Variants in CADPS2 observed in about 807,000 individuals in gnomAD.
CADPS2 encodes the protein calcium-dependent secretion activator 2.
CADPS2 carries 93 observed loss-of-function variants against 172.5 expected under a neutral mutation model. The observed-to-expected ratio is 0.54, with a 90% CI of 0.46 to 0.64. The LOEUF (loss-of-function observed/expected upper bound fraction) is 0.64. CADPS2 is among the 30% of genes least tolerant of loss of function. CADPS2 has a pLI of 0.00. For synonymous variants in CADPS2, 546 were observed against 555.2 expected (o/e 0.98, Z 0.23); for missense variants, 1,420 against 1,565.9 (o/e 0.91, Z 1.57).
intron 2 of CADPS2, among the ~76,000 whole-genome samples, chr7:122,687,416 G>C (rs2083775239): frequency 6.6e-6 from 1 of 152,126 alleles, no homozygotes; most frequent in African/African-American, 2.4e-5. Flanking sequence ...AGTGTTTCAA[G>C]CTAACTGCAG....
chr7:122,439,451 A>G (rs564770114), intron 16 of CADPS2: 1 of 152,294 alleles, frequency 6.6e-6, no homozygotes, highest in East Asian at 1.9e-4. Context: ...ATTGAAAGGA[A>G]TATTGAAAGA....
At chr7:122,791,384 T>C (rs1403108972) in intron 1 of CADPS2, among the ~76,000 whole-genome samples, 1 of 152,124 alleles carries the variant, frequency 6.6e-6, no homozygotes, top group Non-Finnish European at 1.5e-5. Flanking sequence ...TTTCAAATAT[T>C]CTAATCTTCC....
intron 1 of CADPS2, among the ~76,000 whole-genome samples, chr7:122,876,511 G>A (rs758549465): frequency 2.0e-4 from 31 of 152,014 alleles, no homozygotes; most frequent in Non-Finnish European, 4.1e-4. Flanking sequence ...ACAGGCATGA[G>A]TCGCCATGCT....
intron 28 of CADPS2, among the ~76,000 whole-genome samples, chr7:122,327,742 A>G (rs915917334): frequency 1.3e-5 from 2 of 152,034 alleles, no homozygotes; most frequent in Non-Finnish European, 2.9e-5. Flanking sequence ...TACAATGCCA[A>G]AATAATAATT....
intron 7 of CADPS2, among the ~76,000 whole-genome samples, chr7:122,564,292 G>C (rs2066124057): frequency 6.6e-6 from 1 of 151,990 alleles, no homozygotes; most frequent in South Asian, 2.1e-4. Context: ...AAACAGTATG[G>C]AAATTTCTTA....
intron 2 of CADPS2, among the ~76,000 whole-genome samples, chr7:122,736,614 C>A (rs546739940): frequency 6.6e-6 from 1 of 152,210 alleles, no homozygotes; most frequent in South Asian, 2.1e-4. Context: ...CATAAGATAG[C>A]AATTTACTAT....
At chr7:122,524,475 G>A (rs775032177) in intron 8 of CADPS2, among the ~76,000 whole-genome samples, 1 of 152,096 alleles carries the variant, frequency 6.6e-6, no homozygotes, top group African/African-American at 2.4e-5. Flanking sequence ...TGTGTGTCTT[G>A]GAACATCTGG....
At chr7:122,499,351 A>G (rs928687842) in intron 9 of CADPS2, among the ~76,000 whole-genome samples, 2 of 152,202 alleles carry the variant, frequency 1.3e-5, no homozygotes, top group African/African-American at 4.8e-5. Context: ...ATCAACATCC[A>G]CTAATTTCAA....
chr7:122,855,693 G>A (rs772715956), intron 1 of CADPS2, among the ~76,000 whole-genome samples: 22 of 152,120 alleles, frequency 1.4e-4, no homozygotes, highest in East Asian at 3.9e-4. Context: ...TTAGACATAC[G>A]ACTGAATATG....
chr7:122,619,333 TTTAAA>T (rs2075315262), intron 5 of CADPS2, among the ~76,000 whole-genome samples: 1 of 151,952 alleles, frequency 6.6e-6, no homozygotes, highest in Non-Finnish European at 1.5e-5. Flanking sequence ...CATCAATAAA[TTTAAA>T]TTATAGACTA....
chr7:122,833,072 G>C (rs1807094232), intron 1 of CADPS2, among the ~76,000 whole-genome samples: 1 of 152,276 alleles, frequency 6.6e-6, no homozygotes, highest in Middle Eastern at 3.4e-3. Flanking sequence ...CACTATCCAT[G>C]CACAACTACT....
At chr7:122,492,589 G>C (rs2058390993) in intron 9 of CADPS2, among the ~76,000 whole-genome samples, 1 of 152,174 alleles carries the variant, frequency 6.6e-6, no homozygotes, top group Non-Finnish European at 1.5e-5. Flanking sequence ...CAGAGATAGA[G>C]GGAGGTTCTG....
At chr7:122,417,179 A>T (rs1585814021) in intron 17 of CADPS2, among the ~76,000 whole-genome samples, 1 of 152,290 alleles carries the variant, frequency 6.6e-6, no homozygotes, top group African/African-American at 2.4e-5. Flanking sequence ...GCTCTGTTCT[A>T]ACGTATTCCA....
At chr7:122,822,705 G>T (rs1803698460) in intron 1 of CADPS2, among the ~76,000 whole-genome samples, 1 of 151,644 alleles carries the variant, frequency 6.6e-6, no homozygotes, top group African/African-American at 2.4e-5. Context: ...AAGTGTAAAT[G>T]GCCGATCCTT....
intron 1 of CADPS2, 41 bp downstream of exon 1, chr7:122,885,958 G>C (rs1344335510): frequency 6.3e-7 from 1 of 1,577,002 alleles, no homozygotes; most frequent in Admixed American, 1.8e-5. Flanking sequence ...GAAAAACCCA[G>C]GGAGAAGTGG....
intron 2 of CADPS2, among the ~76,000 whole-genome samples, chr7:122,726,674 T>C (rs1021917893): frequency 2.1e-4 from 31 of 150,894 alleles, no homozygotes; most frequent in African/African-American, 7.3e-4. Flanking sequence ...GCTGTCAGGG[T>C]CATAGAGTCA....
chr7:122,749,737 T>C (rs2092868024), intron 1 of CADPS2, among the ~76,000 whole-genome samples: 1 of 152,080 alleles, frequency 6.6e-6, no homozygotes, highest in Admixed American at 6.6e-5. Flanking sequence ...CTAACTTCAA[T>C]ACATCATTGT....
In CADPS2 at chr7:122,698,092, T is replaced by G. The variant is rs976191920; in HGVS notation, c.454-34523A>C. On this transcript the variant is annotated intron_variant, in intron 2 of 29. Coordinates refer to ENST00000449022, the MANE Select transcript of CADPS2 (RefSeq NM_017954.11). ...GTCAATGCAATTCTTGTGGAAAAAA[T>G]GTTTACAAGTCAGAATACGAACTAT... is the stretch of plus-strand genomic sequence containing the variant. 3.1e-6 allele frequency: 5 copies of G among 1,613,858 alleles called. No homozygotes were observed. The East Asian group carries it at 6.7e-5, about 22-fold the overall frequency.
intron 3 of CADPS2, among the ~76,000 whole-genome samples, chr7:122,656,387 C>T (rs1295180438): frequency 3.4e-4 from 52 of 152,172 alleles, no homozygotes; most frequent in Non-Finnish European, 1.5e-5. Context: ...AAGAGAATAC[C>T]ACCCCACTCC....
Sources: allele counts gnomAD v4.1 joint callset (sites outside exome capture counted in the v4.1 genomes callset), GRCh38; gene constraint gnomAD v4.1.1; transcripts MANE v1.5; gene names NCBI Gene and HGNC (gene_info 2026-07-23, HGNC 2026-07-21).